Variants in TGFBR2 observed in about 807,000 individuals in gnomAD.
The protein encoded by TGFBR2 is transforming growth factor beta receptor 2, also known as TGF-beta receptor type-2.
In TGFBR2, 18 loss-of-function variants were observed where a neutral mutation model predicts 49.0. That is an observed-to-expected ratio of 0.37 (90% confidence interval 0.25 to 0.54). The LOEUF is 0.54. Ranked by LOEUF, TGFBR2 falls within the 20% of genes least tolerant of loss-of-function variation. TGFBR2 has a pLI of 0.85. For missense variants in TGFBR2, 525 were observed against 722.6 expected (o/e 0.73, Z 3.13); for synonymous variants, 282 against 275.9 (o/e 1.02, Z -0.22).
chr3:30,606,823 T>C lies in TGFBR2; in HGVS notation c.-61T>C. 2 of 1,217,232 alleles carry C rather than the reference T, an allele frequency of 1.6e-6. No homozygotes were observed. Among genetic ancestry groups the C allele is most frequent in the Non-Finnish European group, 1.1e-6 (1 of 937,956 alleles). 75.4% of individuals were successfully genotyped at this position (1,217,232 alleles called of 1,614,324 possible). ...CGCGGCGCGGAGGCGCAGCCAGGGG[T>C]CCGGGAAGGCGCCGTCCGCTGCGCT... On this transcript the variant is annotated 5_prime_UTR_variant, in exon 1 of 7. Coordinates refer to ENST00000295754, the MANE Select transcript of TGFBR2 (RefSeq NM_003242.6).
chr3:30,670,563 G>T (rs1050971364), intron 3 of TGFBR2, among the ~76,000 whole-genome samples: 1 of 152,218 alleles, frequency 6.6e-6, no homozygotes, highest in Non-Finnish European at 1.5e-5. Flanking sequence ...GTGAACTAGA[G>T]CTGCCTTTTG....
intron 1 of TGFBR2, among the ~76,000 whole-genome samples, chr3:30,619,941 A>C (rs1419200566): frequency 7.3e-6 from 1 of 136,874 alleles, no homozygotes; most frequent in Admixed American, 7.3e-5. Context: ...TAATCCCAGC[A>C]CTTTGGGAGG....
chr3:30,636,155 A>ATGTGTGTGTGTGTGTGTG (rs61296907), intron 1 of TGFBR2, among the ~76,000 whole-genome samples: 8 of 134,638 alleles, frequency 5.9e-5, no homozygotes, highest in African/African-American at 1.4e-4. Context: ...ATATATATGT[A>ATGTGTGTGTGTGTGTGTG]TGTGTGTGTG....
intron 1 of TGFBR2, among the ~76,000 whole-genome samples, chr3:30,610,866 A>G (rs1276970030): frequency 6.6e-6 from 1 of 152,038 alleles, no homozygotes; most frequent in Non-Finnish European, 1.5e-5. Context: ...CACAGCCCAC[A>G]TTTTCCCAGT....
intron 4 of TGFBR2, among the ~76,000 whole-genome samples, chr3:30,673,444 C>T (rs373507520): frequency 1.2e-4 from 18 of 152,110 alleles, no homozygotes; most frequent in African/African-American, 4.1e-4. Context: ...CATATGGATC[C>T]GACGTTTGCA....
intron 1 of TGFBR2, among the ~76,000 whole-genome samples, chr3:30,638,148 C>T (rs866529963): frequency 2.6e-5 from 4 of 152,086 alleles, no homozygotes; most frequent in South Asian, 2.1e-4. Context: ...TTTAAAGTAG[C>T]GTTTTTTTAA....
In TGFBR2 at chr3:30,691,699, A is replaced by T. The variant is rs1215409729; in HGVS notation, c.*100A>T. 5 of 1,396,590 alleles carry T rather than the reference A, an allele frequency of 3.6e-6. No individual in the cohort carries two copies. In the Admixed American group the frequency reaches 8.5e-5, roughly 24 times the overall value. 86.5% of individuals were successfully genotyped at this position (1,396,590 alleles called of 1,614,324 possible). On this transcript the variant is annotated 3_prime_UTR_variant, in exon 7 of 7. Coordinates refer to ENST00000295754, the MANE Select transcript of TGFBR2 (RefSeq NM_003242.6). ...CCCCTGAACTGATGCTTCCTGGAAAACCAAGGGGGTCACTCCCCTCCCTGT... is the reference window on the plus strand; with the variant it reads ...CCCCTGAACTGATGCTTCCTGGAAATCCAAGGGGGTCACTCCCCTCCCTGT...
At chr3:30,650,164 A>G in intron 2 of TGFBR2, 106 bp from the exon 3 acceptor site, 1 of 1,183,736 alleles carries the variant, frequency 8.4e-7, no homozygotes. Context: ...AACTTCATGA[A>G]GGAAAAGTAT....
At chr3:30,635,629 T>A (rs1179175352) in intron 1 of TGFBR2, among the ~76,000 whole-genome samples, 2 of 152,188 alleles carry the variant, frequency 1.3e-5, no homozygotes, top group South Asian at 2.1e-4. Flanking sequence ...AAATTGCATT[T>A]AAAAAAATTT....
At chr3:30,684,271 A>C (rs1433446086) in intron 5 of TGFBR2, among the ~76,000 whole-genome samples, 1 of 152,214 alleles carries the variant, frequency 6.6e-6, no homozygotes, top group Non-Finnish European at 1.5e-5. Flanking sequence ...TGAGAAAAAA[A>C]AAAATGGAGG....
chr3:30,611,910 C>G (rs1000475674), intron 1 of TGFBR2, among the ~76,000 whole-genome samples: 9 of 152,132 alleles, frequency 5.9e-5, no homozygotes, highest in African/African-American at 1.9e-4. Flanking sequence ...TAGCTTCTAC[C>G]CTCCAGGTCC....
At chr3:30,666,388 T>C (rs1476303578) in intron 3 of TGFBR2, among the ~76,000 whole-genome samples, 1 of 152,188 alleles carries the variant, frequency 6.6e-6, no homozygotes, top group African/African-American at 2.4e-5. Context: ...ATAAAACTTT[T>C]TATTTCCTGG....
At chr3:30,656,838 T>C (rs1699010564) in intron 3 of TGFBR2, among the ~76,000 whole-genome samples, 1 of 152,236 alleles carries the variant, frequency 6.6e-6, no homozygotes, top group African/African-American at 2.4e-5. Flanking sequence ...CCTTTTCCAA[T>C]TGAAATGTAG....
chr3:30,684,482 T>C (rs1048647358), intron 5 of TGFBR2, among the ~76,000 whole-genome samples: 2 of 152,206 alleles, frequency 1.3e-5, no homozygotes, highest in Admixed American at 1.3e-4. Context: ...ACTCCTAATC[T>C]GAAAAACTAA....
At chr3:30,611,422 A>T (rs188908380) in intron 1 of TGFBR2, among the ~76,000 whole-genome samples, 4 of 152,348 alleles carry the variant, frequency 2.6e-5, no homozygotes, top group African/African-American at 9.6e-5. Context: ...TGAAATATGG[A>T]AAAAGATGTT....
chr3:30,642,008 A>C (rs1004375350), intron 1 of TGFBR2, among the ~76,000 whole-genome samples: 5 of 151,690 alleles, frequency 3.3e-5, no homozygotes, highest in Admixed American at 1.3e-4. Context: ...TTCTGCAAGC[A>C]TCGGACTTAA....
chr3:30,623,867 C>T (rs185979611), intron 1 of TGFBR2, among the ~76,000 whole-genome samples: 36 of 152,272 alleles, frequency 2.4e-4, no homozygotes, highest in Admixed American at 9.8e-4. Flanking sequence ...AGAGGTTGGG[C>T]GCTGTGGCTC....
chr3:30,613,608 T>C (rs1216829510), intron 1 of TGFBR2, among the ~76,000 whole-genome samples: 1 of 151,632 alleles, frequency 6.6e-6, no homozygotes, highest in Non-Finnish European at 1.5e-5. Context: ...AGGCCCCTCT[T>C]GATGTAGGAT....
chr3:30,654,497 A>T (rs1698959216), intron 3 of TGFBR2, among the ~76,000 whole-genome samples: 1 of 152,190 alleles, frequency 6.6e-6, no homozygotes, highest in African/African-American at 2.4e-5. Flanking sequence ...TGCACTGCAC[A>T]ACTGTTCTCT....
Sources: gnomAD v4.1 joint callset for allele counts (sites outside exome capture counted in the v4.1 genomes callset) on GRCh38, gnomAD v4.1.1 for gene constraint, MANE v1.5 for transcripts, NCBI Gene and HGNC (gene_info 2026-07-23, HGNC 2026-07-21) for gene names.